SPRR2B: variants seen among roughly 807,000 people sequenced by gnomAD.
SPRR2B encodes the protein small proline rich protein 2B.
SPRR2B carries 1 observed loss-of-function variant against 1.0 expected under a neutral mutation model. That is an observed-to-expected ratio of 1.01 (90% CI 0.36 to 4.77). The LOEUF (loss-of-function observed/expected upper bound fraction) is 4.77. Among genes scored for constraint, SPRR2B ranks in the 30% most tolerant of loss-of-function variants. The pLI, the probability that SPRR2B is intolerant of heterozygous loss-of-function variation, is 0.16. For missense variants in SPRR2B, 53 were observed against 88.7 expected, an observed-to-expected ratio of 0.60 and a Z score of 1.62; for synonymous variants, 27 against 33.4, an observed-to-expected ratio of 0.81 and a Z score of 0.66.
the SPRR2B span, among the ~76,000 whole-genome samples, chr1:153,079,486 T>G: frequency 6.6e-6 from 1 of 152,246 alleles, no homozygotes; most frequent in East Asian, 1.9e-4. Context: ...ACTAGAGTTT[T>G]TATGGTTTTA....
chr1:153,086,223 G>T, the SPRR2B span, among the ~76,000 whole-genome samples: 1 of 152,056 alleles, frequency 6.6e-6, no homozygotes, highest in Non-Finnish European at 1.5e-5. Context: ...CAATTAAAAC[G>T]CAGAGTGGCA....
the SPRR2B span, among the ~76,000 whole-genome samples, chr1:153,080,762 T>C: frequency 2.0e-5 from 3 of 152,230 alleles, no homozygotes; most frequent in African/African-American, 4.8e-5. Flanking sequence ...AATTTTATGA[T>C]ACGATCCAGC....
the SPRR2B span, among the ~76,000 whole-genome samples, chr1:153,085,710 C>G: frequency 6.6e-6 from 1 of 152,132 alleles, no homozygotes; most frequent in African/African-American, 2.4e-5. Context: ...AGAAGAACAT[C>G]ATCTGCAAGA....
Position 153,070,389 on chromosome 1 carries a change from T to A in SPRR2B, c.*232A>T. On this transcript the variant is annotated 3_prime_UTR_variant, in exon 2 of 2. Coordinates refer to ENST00000368755, the MANE Select transcript of SPRR2B (RefSeq NM_001388198.1). ...CTCTTTCTGCTGAAGCTCTGGGAAC[T>A]GACAAAGCCAAGGTTCCTTTGCTCA... The A allele has an allele frequency of 1.3e-6, 1 of 767,956 alleles. No homozygotes were observed. Among genetic ancestry groups the A allele is most frequent in the South Asian group, 2.3e-5 (1 of 42,806 alleles). The allele number at this position is 767,956 out of a possible 1,614,324, so 47.6% of individuals were successfully genotyped here.
At chr1:153,081,203 A>G in the SPRR2B span, among the ~76,000 whole-genome samples, 1 of 152,228 alleles carries the variant, frequency 6.6e-6, no homozygotes, top group Non-Finnish European at 1.5e-5. Context: ...GTGAATCTTC[A>G]TATCTAAGAA....
the SPRR2B span, among the ~76,000 whole-genome samples, chr1:153,084,008 A>G: frequency 6.6e-6 from 1 of 152,168 alleles, no homozygotes; most frequent in Non-Finnish European, 1.5e-5. Flanking sequence ...CTCTCTGGTC[A>G]GCTGGTGTCT....
the SPRR2B span, among the ~76,000 whole-genome samples, chr1:153,081,856 T>A: frequency 1.4e-5 from 2 of 145,978 alleles, no homozygotes; most frequent in Non-Finnish European, 3.0e-5. Flanking sequence ...ACAGACTCAC[T>A]CCATCACCCA....
At chr1:153,077,401 T>C in the SPRR2B span, among the ~76,000 whole-genome samples, 3 of 152,192 alleles carry the variant, frequency 2.0e-5, no homozygotes, top group Admixed American at 6.5e-5. Flanking sequence ...TATGTGAAGA[T>C]ACAAAAATCT....
the SPRR2B span, among the ~76,000 whole-genome samples, chr1:153,079,290 A>G: frequency 6.6e-6 from 1 of 152,064 alleles, no homozygotes; most frequent in East Asian, 1.9e-4. Flanking sequence ...AGTAGATTGC[A>G]AAAATTTTCT....
chr1:153,082,133 C>T, the SPRR2B span, among the ~76,000 whole-genome samples: 24 of 151,904 alleles, frequency 1.6e-4, no homozygotes, highest in African/African-American at 5.3e-4. Context: ...ATACATAATC[C>T]CCGATGAAAC....
chr1:153,070,724 G>C lies in SPRR2B; in HGVS notation c.116C>G (p.Pro39Arg), dbSNP rs779080363. 5 of 1,609,588 alleles carry C rather than the reference G, an allele frequency of 3.1e-6. No homozygotes were observed. The highest frequency in any genetic ancestry group is 4.2e-6 in the Non-Finnish European group (5 of 1,178,856). Residue 39 changes from proline to arginine, a missense_variant, in exon 2 of 2, where the codon CCA becomes CGA. Transcript: ENST00000368755. Reference protein sequence around the residue: ...PPKCPEPCPPPKCPQPCPPQQ... With the variant: ...PPKCPEPCPPRKCPQPCPPQQ... ...AGGTGGGCAGGGCTGTGGACACTTT[G>C]GTGGTGGGCAGGGCTCAGGGCACTT...
At chr1:153,071,698 A>G (rs1005053494), upstream of SPRR2B, among the ~76,000 whole-genome samples, 14 of 152,156 alleles carry the variant, frequency 9.2e-5, no homozygotes, top group Non-Finnish European at 1.3e-4. Flanking sequence ...TGGTCCAGCA[A>G]TGTCCCAACC....
At chr1:153,087,214 A>G in the SPRR2B span, among the ~76,000 whole-genome samples, 1 of 152,126 alleles carries the variant, frequency 6.6e-6, no homozygotes, top group African/African-American at 2.4e-5. Flanking sequence ...AGGGAGGTGG[A>G]GGTTGCAGTG....
the SPRR2B span, among the ~76,000 whole-genome samples, chr1:153,079,214 GT>G: frequency 2.1e-5 from 3 of 142,058 alleles, no homozygotes; most frequent in East Asian, 4.9e-4. Flanking sequence ...GGGGTTGTTT[GT>G]TTTTTTTTCT....
chr1:153,087,738 T>C, the SPRR2B span, among the ~76,000 whole-genome samples: 2 of 152,164 alleles, frequency 1.3e-5, no homozygotes, highest in African/African-American at 4.8e-5. Context: ...AGCTCCAAAA[T>C]TGAATCAGTA....
the SPRR2B span, among the ~76,000 whole-genome samples, chr1:153,084,384 A>T: frequency 2.4e-4 from 36 of 152,018 alleles, no homozygotes; most frequent in Non-Finnish European, 4.6e-4. Flanking sequence ...CCCAACTTTC[A>T]TGCCAATGTA....
chr1:153,079,948 C>T, the SPRR2B span, among the ~76,000 whole-genome samples: 4 of 152,120 alleles, frequency 2.6e-5, no homozygotes, highest in Non-Finnish European at 5.9e-5. Context: ...CTATAAATTA[C>T]TTTGGGCAGT....
the SPRR2B span, among the ~76,000 whole-genome samples, chr1:153,078,394 G>A: frequency 6.6e-6 from 1 of 152,090 alleles, no homozygotes; most frequent in Non-Finnish European, 1.5e-5. Flanking sequence ...TTAAGTTTTA[G>A]GGTACATGTG....
the SPRR2B span, among the ~76,000 whole-genome samples, chr1:153,080,654 G>A: frequency 6.6e-6 from 1 of 152,144 alleles, no homozygotes; most frequent in Non-Finnish European, 1.5e-5. Flanking sequence ...CATAGGATGA[G>A]AGTCCTGCAA....
Sources: allele counts gnomAD v4.1 joint callset (sites outside exome capture counted in the v4.1 genomes callset), GRCh38; gene constraint gnomAD v4.1.1; transcripts MANE v1.5; gene names NCBI Gene and HGNC (gene_info 2026-07-23, HGNC 2026-07-21).